Variants in CYRIB observed in about 807,000 individuals in gnomAD.
CYRIB encodes CYFIP-related Rac1 interactor B.
CYRIB carries 8 observed loss-of-function variants against 44.2 expected under a neutral mutation model. The observed-to-expected ratio is 0.18, with a 90% CI of 0.11 to 0.33. The LOEUF is 0.33. Ranked by LOEUF, CYRIB falls within the 10% of genes least tolerant of loss-of-function variation. The probability of loss-of-function intolerance (pLI) is 1.00; values close to 1 mark genes in which losing one functional copy is unlikely to be tolerated. For missense variants in CYRIB, 185 were observed against 382.8 expected (o/e 0.48, Z 4.31); for synonymous variants, 131 against 127.2 (o/e 1.03, Z -0.20).
In CYRIB at chr8:129,897,138, A is replaced by AAGGGACC. The variant is rs1236418216; in HGVS notation, c.-11+6167_-11+6173dup. 4.6e-5 allele frequency among the ~76,000 whole-genome samples: 7 copies of AAGGGACC among 152,294 alleles called. No individual in the cohort carries two copies. The South Asian group carries it at 8.3e-4, about 18-fold the overall frequency. On this transcript the variant is annotated intron_variant, in intron 2 of 11. Transcript: ENST00000519824. The stretch of plus-strand genomic sequence containing the variant: ...ATAAATAAGAGAATCTCAGACCAGG[A>AAGGGACC]AGGGACCATTCACGGTCAAATGGAA...
At chr8:129,909,810 C>T (rs2077075375) in intron 1 of CYRIB, among the ~76,000 whole-genome samples, 1 of 152,230 alleles carries the variant, frequency 6.6e-6, no homozygotes, top group Non-Finnish European at 1.5e-5. Context: ...AACACCCTGG[C>T]TGTGCATACA....
chr8:129,994,423 G>A (rs901080556), intron 1 of CYRIB, among the ~76,000 whole-genome samples: 3 of 152,196 alleles, frequency 2.0e-5, no homozygotes, highest in Admixed American at 6.5e-5. Flanking sequence ...AAGCAGCCCC[G>A]GGAAGCTGAT....
rs1327374912 is a variant in CYRIB, at chr8:129,853,673, A to G, written c.516+593T>C. Among the ~76,000 whole-genome samples the G allele has an allele frequency of 3.9e-5, 6 of 152,248 alleles. No homozygotes were observed. In the East Asian group the frequency reaches 1.2e-3, roughly 29 times the overall value. ...TTCCTTGGAGGTAGAAAAGAGTAAT[A>G]AACAGCTTAAGAGGAGGATGGTAAG... On this transcript the variant is annotated intron_variant, in intron 7 of 11. Transcript: ENST00000519824.
chr8:129,983,640 G>C (rs1386156634), intron 1 of CYRIB, among the ~76,000 whole-genome samples: 1 of 152,206 alleles, frequency 6.6e-6, no homozygotes, highest in African/African-American at 2.4e-5. Flanking sequence ...AGGGCAGGGA[G>C]GGATCCAGGC....
chr8:129,898,699 T>G (rs1014139411), intron 2 of CYRIB, among the ~76,000 whole-genome samples: 8 of 152,216 alleles, frequency 5.3e-5, no homozygotes, highest in African/African-American at 1.7e-4. Flanking sequence ...AAAACATATT[T>G]TTCTTCTCTT....
chr8:129,886,173 T>C (rs1187440389), intron 2 of CYRIB, among the ~76,000 whole-genome samples: 2 of 152,208 alleles, frequency 1.3e-5, no homozygotes, highest in Non-Finnish European at 2.9e-5. Context: ...CAAACTCCGA[T>C]TCTTTCAACT....
intron 1 of CYRIB, among the ~76,000 whole-genome samples, chr8:129,918,785 A>G (rs2082047543): frequency 1.3e-5 from 2 of 152,220 alleles, no homozygotes; most frequent in Non-Finnish European, 2.9e-5. Flanking sequence ...AAACATCATA[A>G]ATAATATAAG....
chr8:129,994,271 G>C (rs1392751832), intron 1 of CYRIB, among the ~76,000 whole-genome samples: 1 of 151,674 alleles, frequency 6.6e-6, no homozygotes, highest in Non-Finnish European at 1.5e-5. Flanking sequence ...CCAGAAGCTG[G>C]GGGGGGTGGC....
At chr8:129,912,811 G>A (rs2078713571) in intron 1 of CYRIB, among the ~76,000 whole-genome samples, 1 of 151,930 alleles carries the variant, frequency 6.6e-6, no homozygotes, top group African/African-American at 2.4e-5. Flanking sequence ...CAGGTAAAAT[G>A]ATTCAGTGAA....
intron 5 of CYRIB, among the ~76,000 whole-genome samples, chr8:129,859,595 G>C (rs1174632101): frequency 1.3e-5 from 2 of 152,198 alleles, no homozygotes; most frequent in African/African-American, 4.8e-5. Flanking sequence ...GTCACCGCTA[G>C]ACTAAGGAGG....
At chr8:129,901,502 C>A (rs981051014) in intron 2 of CYRIB, 1 of 152,138 alleles carries the variant, frequency 6.6e-6, no homozygotes, top group Non-Finnish European at 1.5e-5. Context: ...CATGAGCCAC[C>A]GTGCCCGGCC....
intron 2 of CYRIB, among the ~76,000 whole-genome samples, chr8:129,953,227 G>C (rs2094594338): frequency 6.6e-6 from 1 of 152,088 alleles, no homozygotes; most frequent in Non-Finnish European, 1.5e-5. Context: ...AAAATTAAAG[G>C]GCTAGAAGAG....
intron 1 of CYRIB, among the ~76,000 whole-genome samples, chr8:129,936,886 T>C (rs1328688111): frequency 6.6e-6 from 1 of 152,030 alleles, no homozygotes; most frequent in African/African-American, 2.4e-5. Context: ...TTTTTGTATT[T>C]TTGGTAGAGA....
At chr8:130,015,290 T>C (rs2097315980) in intron 1 of CYRIB, among the ~76,000 whole-genome samples, 1 of 152,224 alleles carries the variant, frequency 6.6e-6, no homozygotes, top group African/African-American at 2.4e-5. Flanking sequence ...CAACGCACCC[T>C]TTCTAGGTGC....
chr8:129,862,022 C>A (rs1472933402), intron 5 of CYRIB, among the ~76,000 whole-genome samples: 1 of 152,102 alleles, frequency 6.6e-6, no homozygotes, highest in Non-Finnish European at 1.5e-5. Context: ...AGGAAAATAA[C>A]TTGTGGACAA....
At chr8:129,977,677 G>A (rs997418907) in intron 1 of CYRIB, among the ~76,000 whole-genome samples, 17 of 151,754 alleles carry the variant, frequency 1.1e-4, no homozygotes, top group Admixed American at 3.9e-4. Context: ...GACTACAGGC[G>A]CCCGCCACCA....
rs934359289 is a variant in CYRIB at position 129,906,949 on chromosome 8, G to A, written c.-49-3599C>T. Among the ~76,000 whole-genome samples the A allele has an allele frequency of 5.7e-4, 87 of 152,120 alleles. No individual in the cohort carries two copies. The South Asian group carries it at 9.4e-3, about 16-fold the overall frequency. On this transcript the variant is annotated intron_variant, in intron 1 of 11. Coordinates refer to ENST00000519824, the Ensembl canonical transcript of CYRIB. ...GGCAATCATTAAAAAGTCAGGAAAC[G>A]ACAGGTGCTGGAGAGGATGTGGAGA...
intron 1 of CYRIB, among the ~76,000 whole-genome samples, chr8:130,003,988 C>T (rs1453524367): frequency 6.6e-6 from 1 of 152,108 alleles, no homozygotes; most frequent in African/African-American, 2.4e-5. Flanking sequence ...CTAGGGGCTG[C>T]GGTAACCAAA....
chr8:129,946,107 TTTTC>T (rs937875375), intron 2 of CYRIB, among the ~76,000 whole-genome samples: 19 of 152,348 alleles, frequency 1.2e-4, no homozygotes, highest in Admixed American at 6.5e-4. Flanking sequence ...AGACATTTTG[TTTTC>T]TTTGTTTTTC....
Sources: allele counts gnomAD v4.1 joint callset (sites outside exome capture counted in the v4.1 genomes callset), GRCh38; gene constraint gnomAD v4.1.1; transcripts MANE v1.5; gene names NCBI Gene and HGNC (gene_info 2026-07-23, HGNC 2026-07-21).